The following CCDC171 variants were observed in gnomAD, a reference collection of about 807,000 sequenced individuals.
CCDC171 encodes the protein coiled-coil domain-containing protein 171.
In CCDC171, 177 loss-of-function variants were observed where a neutral mutation model predicts 168.2. That is an observed-to-expected ratio of 1.05 (90% CI 0.93 to 1.19). The LOEUF (loss-of-function observed/expected upper bound fraction) is 1.19, where lower values mean the gene tolerates loss of function less well. Among genes scored for constraint, CCDC171 ranks in the 50% most tolerant of loss-of-function variants. CCDC171 has a pLI of 0.00. For synonymous variants in CCDC171, 687 were observed against 540.8 expected (o/e 1.27, Z -3.75); for missense variants, 1,991 against 1,539.0 (o/e 1.29, Z -4.91).
At chr9:15,559,827 C>T (rs1432059593) in intron 1 of CCDC171, among the ~76,000 whole-genome samples, 2 of 152,136 alleles carry the variant, frequency 1.3e-5, no homozygotes, top group South Asian at 2.1e-4. Flanking sequence ...TTCCTAGGCT[C>T]GATGGTCTTT....
At chr9:15,986,846 A>T (rs1404881093) in intron 3 of CCDC171, among the ~76,000 whole-genome samples, 2 of 152,228 alleles carry the variant, frequency 1.3e-5, no homozygotes, top group African/African-American at 2.4e-5. Flanking sequence ...TAAGTAAAGT[A>T]GTAATAGAAA....
intron 24 of CCDC171, among the ~76,000 whole-genome samples, chr9:15,918,547 T>C (rs1205593776): frequency 6.6e-6 from 1 of 151,678 alleles, no homozygotes; most frequent in Non-Finnish European, 1.5e-5. Flanking sequence ...AATTCAAGTT[T>C]CTGATTTTCA....
the CCDC171 span, among the ~76,000 whole-genome samples, chr9:16,074,494 A>G: frequency 6.6e-6 from 1 of 152,178 alleles, no homozygotes; most frequent in East Asian, 1.9e-4. Context: ...GAGTACTAGA[A>G]GTACATTGGT....
chr9:15,999,242 A>C (rs916085745), intron 3 of CCDC171, among the ~76,000 whole-genome samples: 1 of 151,416 alleles, frequency 6.6e-6, no homozygotes, highest in Non-Finnish European at 1.5e-5. Context: ...AAAGATAGAA[A>C]GAAAAGAAAG....
rs1048862807 is a variant in CCDC171 at position 15,748,723 on chromosome 9, A to G, written c.2671+3092A>G. ...TCAGAATTTCATATCCAGCCAAACT[A>G]TGCTTCTTAAGTGAAGGAGAAATAA... On this transcript the variant is annotated intron_variant, in intron 18 of 25. Transcript: ENST00000380701. Among the ~76,000 whole-genome samples the G allele has an allele frequency of 7.2e-5, 11 of 152,316 alleles. No homozygotes were observed. The East Asian group carries it at 1.2e-3, about 16-fold the overall frequency.
At chr9:15,745,494 T>C (rs2055204329) in intron 17 of CCDC171, 21 bp from the exon 18 acceptor site, 1 of 1,431,984 alleles carries the variant, frequency 7.0e-7, no homozygotes, top group African/African-American at 1.5e-5. Flanking sequence ...AATTTTACAA[T>C]GGATTTTTTC....
intron 25 of CCDC171, among the ~76,000 whole-genome samples, chr9:15,958,220 A>G (rs977564276): frequency 1.1e-4 from 16 of 152,130 alleles, no homozygotes; most frequent in African/African-American, 3.9e-4. Context: ...TAATACAGAA[A>G]CAAGCAAACA....
chr9:15,598,827 G>C (rs963836136), intron 6 of CCDC171, among the ~76,000 whole-genome samples: 5 of 152,096 alleles, frequency 3.3e-5, no homozygotes, highest in African/African-American at 4.8e-5. Context: ...ATGAATCTGG[G>C]TGCTCCTGTA....
intron 7 of CCDC171, among the ~76,000 whole-genome samples, chr9:15,655,876 T>C (rs1488672284): frequency 6.6e-6 from 1 of 152,210 alleles, no homozygotes; most frequent in Non-Finnish European, 1.5e-5. Context: ...TACATGCCTA[T>C]TTGATTGTCT....
intron 1 of CCDC171, among the ~76,000 whole-genome samples, chr9:16,047,818 A>T (rs1310325996): frequency 1.3e-5 from 2 of 152,210 alleles, no homozygotes; most frequent in Non-Finnish European, 2.9e-5. Context: ...TGCCTGGCCC[A>T]TATTAAGAGA....
chr9:15,997,799 C>T (rs1408173900), intron 3 of CCDC171, among the ~76,000 whole-genome samples: 1 of 152,146 alleles, frequency 6.6e-6, no homozygotes, highest in Non-Finnish European at 1.5e-5. Flanking sequence ...TATTCACTGT[C>T]AGAACTTGGC....
intron 7 of CCDC171, among the ~76,000 whole-genome samples, chr9:15,636,561 C>T (rs2046214484): frequency 6.6e-6 from 1 of 151,646 alleles, no homozygotes; most frequent in African/African-American, 2.4e-5. Context: ...CCAGCCTTGG[C>T]AACATGGTGA....
rs748793057 is a variant in CCDC171, at chr9:15,784,517, C to T, written c.3090C>T (p.Ile1030=). ...QLNEFKQSKL[I]THEKFESACE... ...TCTCCTCCTTTTTACAGAAATTGAT[C>T]ACCCATGAGAAGTTTGAAAGTGCAT... Residue 1030 remains isoleucine (I), a synonymous_variant, in exon 21 of 26, where the codon ATC becomes ATT. Coordinates refer to ENST00000380701, the MANE Select transcript of CCDC171 (RefSeq NM_173550.4). 3 of 1,605,736 alleles carry T rather than the reference C, an allele frequency of 1.9e-6. No homozygotes were observed. Among genetic ancestry groups the T allele is most frequent in the Non-Finnish European group, 2.6e-6 (3 of 1,175,276 alleles).
chr9:15,607,176 C>T (rs1261885286), intron 6 of CCDC171, among the ~76,000 whole-genome samples: 1 of 152,008 alleles, frequency 6.6e-6, no homozygotes, highest in Admixed American at 6.6e-5. Flanking sequence ...CCAATATAAC[C>T]CAGCAATACC....
At chr9:15,782,407 A>G (rs2135457385) in intron 20 of CCDC171, among the ~76,000 whole-genome samples, 1 of 152,268 alleles carries the variant, frequency 6.6e-6, no homozygotes, top group Middle Eastern at 3.4e-3. Flanking sequence ...TTTACTTTAC[A>G]GAGGAATAAA....
intron 23 of CCDC171, among the ~76,000 whole-genome samples, chr9:15,855,287 T>G (rs958535939): frequency 6.6e-6 from 1 of 151,846 alleles, no homozygotes; most frequent in Non-Finnish European, 1.5e-5. Context: ...GGATTGACTC[T>G]TTTATCATTA....
At chr9:15,560,240 C>T (rs1329563253) in intron 1 of CCDC171, among the ~76,000 whole-genome samples, 5 of 152,038 alleles carry the variant, frequency 3.3e-5, no homozygotes, top group East Asian at 1.9e-4. Flanking sequence ...ATCTTTGTGG[C>T]GTTCTCTGTA....
At chr9:15,918,152 G>A (rs1824802760) in intron 24 of CCDC171, among the ~76,000 whole-genome samples, 1 of 151,442 alleles carries the variant, frequency 6.6e-6, no homozygotes, top group South Asian at 2.1e-4. Context: ...CCAAGCTCCT[G>A]TGTTTTGCTC....
chr9:15,806,123 G>A (rs2059064146), intron 21 of CCDC171, among the ~76,000 whole-genome samples: 1 of 152,056 alleles, frequency 6.6e-6, no homozygotes, highest in African/African-American at 2.4e-5. Context: ...GAGCCTACCT[G>A]TGTCTTTGCA....
Sources: gnomAD v4.1 joint callset for allele counts (sites outside exome capture counted in the v4.1 genomes callset) on GRCh38, gnomAD v4.1.1 for gene constraint, MANE v1.5 for transcripts, NCBI Gene and HGNC (gene_info 2026-07-23, HGNC 2026-07-21) for gene names.